The following SACS variants were observed in gnomAD, a reference collection of about 807,000 sequenced individuals.
SACS encodes sacsin.
SACS carries 197 observed loss-of-function variants against 348.0 expected under a neutral mutation model. The ratio of observed to expected loss-of-function variants is 0.57; its 90% CI spans 0.50 to 0.64. The LOEUF is 0.64. Among genes scored for constraint, SACS ranks in the 30% least tolerant of loss-of-function variants. The pLI is 0.00. For synonymous variants in SACS, 1,985 were observed against 1,910.6 expected (o/e 1.04, Z -1.02); for missense variants, 4,999 against 5,360.8 (o/e 0.93, Z 2.11).
chr13:23,379,497 A>G (rs1593163868), intron 2 of SACS, among the ~76,000 whole-genome samples: 1 of 152,148 alleles, frequency 6.6e-6, no homozygotes, highest in East Asian at 1.9e-4. Context: ...ACTCAAGGCC[A>G]GTGCTGGAAA....
Position 23,332,570 on chromosome 13 carries a change from C to A in SACS, c.11306G>T (p.Arg3769Ile), listed in dbSNP as rs1317219364. The A allele has an allele frequency of 1.2e-6, 2 of 1,613,676 alleles. No homozygotes were observed. Among genetic ancestry groups the A allele is most frequent in the African/African-American group, 1.3e-5 (1 of 74,892 alleles). ...ATATATGCTCCTTAAGACTTTTGCT[C>A]TAGTTTTTACCATTTCTTCATCCAA... ...TTLDEEMVKT[R>I]AKVLRSIYEF... The change falls in exon 10 of 10, where the codon AGA (arginine) becomes ATA (isoleucine). Residue 3769 changes from arginine (R) to isoleucine (I), a missense_variant. This residue lies in a region of SACS where 831 missense variants were observed against 941.8 expected (regional missense o/e 0.88). Coordinates refer to ENST00000382292, the MANE Select transcript of SACS (RefSeq NM_014363.6).
intron 2 of SACS, among the ~76,000 whole-genome samples, chr13:23,380,626 T>C (rs946353659): frequency 6.6e-6 from 1 of 152,190 alleles, no homozygotes; most frequent in Non-Finnish European, 1.5e-5. Flanking sequence ...CACTATCTTA[T>C]TTAATCTTCA....
At chr13:23,382,084 G>A (rs553305075) in intron 2 of SACS, among the ~76,000 whole-genome samples, 1 of 152,342 alleles carries the variant, frequency 6.6e-6, no homozygotes, top group African/African-American at 2.4e-5. Context: ...TAGTTGGCAG[G>A]CATCCACCAC....
chr13:23,417,150 G>C (rs1374607103), intron 1 of SACS, among the ~76,000 whole-genome samples: 1 of 152,046 alleles, frequency 6.6e-6, no homozygotes, highest in Non-Finnish European at 1.5e-5. Context: ...ACTTACATAG[G>C]AATTTTAAGA....
At position 23,336,881 on chromosome 13, in the gene SACS, A is replaced by G. The variant is rs1190285634; in HGVS notation, c.6995T>C (p.Ile2332Thr). The G allele has an allele frequency of 6.2e-7, 1 of 1,613,364 alleles. No individual in the cohort carries two copies. Among genetic ancestry groups the G allele is most frequent in the Non-Finnish European group, 8.5e-7 (1 of 1,179,538 alleles). ...YLHEALMQNE[I>T]TKMSIIDKLK... ...CTTATCAATAATTGACATCTTAGTG[A>G]TTTCATTTTGCATCAAGGCTTCATG... Residue 2332 changes from isoleucine to threonine, a missense_variant, in exon 10 of 10, where the codon ATC becomes ACC. Ile to Thr is a moderately conservative substitution (Grantham distance 89). Coordinates refer to ENST00000382292, the MANE Select transcript of SACS (RefSeq NM_014363.6).
At chr13:23,359,165 G>C (rs1870580042) in intron 6 of SACS, among the ~76,000 whole-genome samples, 1 of 151,786 alleles carries the variant, frequency 6.6e-6, no homozygotes, top group South Asian at 2.1e-4. Context: ...CTGGGCAACA[G>C]AGCAAGATTC....
intron 1 of SACS, among the ~76,000 whole-genome samples, chr13:23,429,345 A>ATTTTTGTT (rs1874331622): frequency 1.9e-5 from 1 of 51,466 alleles, no homozygotes; most frequent in Non-Finnish European, 3.5e-5. Flanking sequence ...TGAGGTAGGG[A>ATTTTTGTT]TTTTTTTTTT....
At chr13:23,409,353 CG>C (rs1593177867) in intron 2 of SACS, among the ~76,000 whole-genome samples, 1 of 129,596 alleles carries the variant, frequency 7.7e-6, no homozygotes, top group Non-Finnish European at 1.6e-5. Flanking sequence ...CCGCGCTGGC[CG>C]TTTTTTTTTT....
At chr13:23,398,168 G>C (rs1042468231) in intron 2 of SACS, among the ~76,000 whole-genome samples, 1 of 151,806 alleles carries the variant, frequency 6.6e-6, no homozygotes, top group African/African-American at 2.4e-5. Context: ...TCCAGCCTGG[G>C]CAACAAGAGC....
intron 4 of SACS, among the ~76,000 whole-genome samples, chr13:23,370,521 A>T (rs959911694): frequency 6.6e-6 from 1 of 152,202 alleles, no homozygotes; most frequent in East Asian, 1.9e-4. Flanking sequence ...ACAACACAGT[A>T]TTGTTATTCA....
At chr13:23,344,388 AAC>A (rs34413245) in intron 9 of SACS, among the ~76,000 whole-genome samples, 4 of 151,440 alleles carry the variant, frequency 2.6e-5, no homozygotes, top group Non-Finnish European at 4.4e-5. Context: ...ATGCCAACAA[AAC>A]ACACACACAC....
intron 1 of SACS, among the ~76,000 whole-genome samples, chr13:23,418,146 T>A (rs1448742286): frequency 6.6e-6 from 1 of 151,790 alleles, no homozygotes; most frequent in Non-Finnish European, 1.5e-5. Context: ...AGAAGATATT[T>A]GCCACACAGC....
At chr13:23,366,182 C>G (rs1255267341) in intron 5 of SACS, among the ~76,000 whole-genome samples, 1 of 152,212 alleles carries the variant, frequency 6.6e-6, no homozygotes, top group African/African-American at 2.4e-5. Flanking sequence ...TTAACTGATA[C>G]TACAACAATG....
chr13:23,411,234 C>G lies in SACS; in HGVS notation c.6G>C (p.Glu2Asp). M[E>D]TKENRWVPVT... ...AACTCATTTACCTGTTCTCCTTGGT[C>G]TCCATGATCACTTCTCCTGGGATAT... is the stretch of plus-strand genomic sequence containing the variant. Residue 2 changes from glutamate to aspartate, a missense_variant, in exon 2 of 10, where the codon GAG (glutamate) becomes GAC (aspartate). Coordinates refer to ENST00000382292, the MANE Select transcript of SACS (RefSeq NM_014363.6). 2 of 1,607,552 alleles carry G rather than the reference C, an allele frequency of 1.2e-6. No individual in the cohort carries two copies. Among genetic ancestry groups the G allele is most frequent in the Non-Finnish European group, 1.7e-6 (2 of 1,174,096 alleles).
chr13:23,343,336 G>A (rs951220853), intron 9 of SACS, among the ~76,000 whole-genome samples: 1 of 151,964 alleles, frequency 6.6e-6, no homozygotes, highest in Non-Finnish European at 1.5e-5. Flanking sequence ...TCTCAAATTC[G>A]ATCTTGTATA....
In SACS at chr13:23,339,353, TTC is replaced by T. The variant is rs1307665214; in HGVS notation, c.4521_4522del (p.Asn1508SerfsTer32). On this transcript the variant is annotated frameshift_variant, in exon 10 of 10. Coordinates refer to ENST00000382292, the MANE Select transcript of SACS (RefSeq NM_014363.6). LOFTEE classifies it high-confidence loss of function. ...AGCTGCCATCCCTGGGTCTAGGAGA[TTC>T]TCTCTTATGTCCATATTTCTTCTCA... 4 of 1,613,380 alleles carry T rather than the reference TTC, an allele frequency of 2.5e-6. No individual in the cohort carries two copies. The highest frequency in any genetic ancestry group is 3.4e-6 in the Non-Finnish European group (4 of 1,179,736).
At chr13:23,346,762 T>C in intron 9 of SACS, 1 of 939,534 alleles carries the variant, frequency 1.1e-6, no homozygotes, top group Non-Finnish European at 1.3e-6. Context: ...AAGAGCCAAA[T>C]GAACAAAAAC....
At chr13:23,341,914 G>A (rs1409859932) in intron 9 of SACS, among the ~76,000 whole-genome samples, 1 of 150,400 alleles carries the variant, frequency 6.6e-6, no homozygotes, top group African/African-American at 2.4e-5. Flanking sequence ...AGCCTCCCGA[G>A]TAGCTGGGAC....
Position 23,332,000 on chromosome 13 carries a change from G to C in SACS, c.11876C>G (p.Thr3959Ser). The change falls in exon 10 of 10, where the codon ACT becomes AGT. Residue 3959 changes from threonine (T) to serine (S), a missense_variant. Transcript: ENST00000382292. ...TTGAGGAAAGAGCATTATCAACTTAGTGTGAAATCCATGGTCTTTCCCTAA... is the reference window on the plus strand; with the variant it reads ...TTGAGGAAAGAGCATTATCAACTTACTGTGAAATCCATGGTCTTTCCCTAA... ...CYLGKDHGFH[T>S]KLIMLFPQKL... The C allele has an allele frequency of 6.2e-7, 1 of 1,614,052 alleles. No homozygotes were observed. Among genetic ancestry groups the C allele is most frequent in the Non-Finnish European group, 8.5e-7 (1 of 1,179,946 alleles).
Sources: allele counts gnomAD v4.1 joint callset (sites outside exome capture counted in the v4.1 genomes callset), GRCh38; gene constraint gnomAD v4.1.1; regional missense constraint gnomAD v4.1.1; transcripts MANE v1.5; gene names NCBI Gene and HGNC (gene_info 2026-07-23, HGNC 2026-07-21).